Variants in FAM204A observed in about 807,000 individuals in gnomAD.
The protein encoded by FAM204A is protein FAM204A.
Under a neutral mutation model 35.4 loss-of-function variants are expected in FAM204A, and 16 were observed. That is an observed-to-expected ratio of 0.45 (90% CI 0.31 to 0.69). The LOEUF (loss-of-function observed/expected upper bound fraction) is 0.69, where lower values mean the gene tolerates loss of function less well. Ranked by LOEUF, FAM204A falls within the 30% of genes least tolerant of loss-of-function variation. FAM204A has a pLI of 0.07. For missense variants in FAM204A, 240 were observed against 265.7 expected (o/e 0.90, Z 0.67); for synonymous variants, 76 against 86.9 (o/e 0.88, Z 0.70).
Position 118,336,352 on chromosome 10 carries a change from C to T in FAM204A, c.64G>A (p.Glu22Lys), listed in dbSNP as rs1846386616. 1 of 1,613,958 alleles carries T rather than the reference C, an allele frequency of 6.2e-7. No homozygotes were observed. Among genetic ancestry groups the T allele is most frequent in the Non-Finnish European group, 8.5e-7 (1 of 1,179,862 alleles). The change falls in exon 3 of 9, where the codon GAA becomes AAA. Residue 22 changes from glutamate to lysine, a missense_variant. This residue lies in a region of FAM204A where 232 missense variants were observed against 242.8 expected (regional missense o/e 0.96). Coordinates refer to ENST00000369183, the MANE Select transcript of FAM204A (RefSeq NM_022063.3). ...AGTCCAGAGTTCTCCAACGTAGCTTCATCTTCCGAGTTTGACTCAGCGTCA... is the reference window on the plus strand; with the variant it reads ...AGTCCAGAGTTCTCCAACGTAGCTTTATCTTCCGAGTTTGACTCAGCGTCA... ...ESDAESNSED[E>K]ATLENSGLNL...
chr10:118,312,311 T>C (rs568868409), intron 7 of FAM204A, among the ~76,000 whole-genome samples: 1 of 152,258 alleles, frequency 6.6e-6, no homozygotes, highest in South Asian at 2.1e-4. Flanking sequence ...CAGGCAGACT[T>C]GTAAAAAAGA....
At chr10:118,314,628 A>G (rs1846002583) in intron 7 of FAM204A, among the ~76,000 whole-genome samples, 1 of 152,164 alleles carries the variant, frequency 6.6e-6, no homozygotes, top group Admixed American at 6.5e-5. Flanking sequence ...TAAAAAGAAA[A>G]ATGCATCTTC....
intron 2 of FAM204A, among the ~76,000 whole-genome samples, chr10:118,340,484 T>C (rs1211806540): frequency 3.9e-5 from 6 of 152,194 alleles, no homozygotes. Context: ...TTTGATATTA[T>C]AAGTGCCCTA....
At chr10:118,328,315 A>T (rs1846231324) in intron 6 of FAM204A, among the ~76,000 whole-genome samples, 1 of 151,920 alleles carries the variant, frequency 6.6e-6, no homozygotes, top group East Asian at 1.9e-4. Flanking sequence ...CTAACTTGCA[A>T]CCCACAATTA....
At chr10:118,313,132 AC>A in intron 7 of FAM204A, among the ~76,000 whole-genome samples, 1 of 152,244 alleles carries the variant, frequency 6.6e-6, no homozygotes, top group Middle Eastern at 3.4e-3. Context: ...CCACTGAAAA[AC>A]TATCCATTTG....
intron 2 of FAM204A, among the ~76,000 whole-genome samples, chr10:118,336,658 T>A (rs1212071178): frequency 3.3e-5 from 5 of 152,136 alleles, no homozygotes; most frequent in African/African-American, 1.2e-4. Context: ...TAAACAAGTT[T>A]GTTACAACAT....
In FAM204A at chr10:118,305,932, T is replaced by A. The variant is rs180686020; in HGVS notation, c.*4925A>T. On this transcript the variant is annotated 3_prime_UTR_variant, in exon 9 of 9. Transcript: ENST00000369183. ...TTTATTGTGGGCAGTCATAATTGTA[T>A]GCTATCCATCAAACAATAAAACCTT... 6 of 152,378 alleles carry A rather than the reference T, an allele frequency of 3.9e-5. No homozygotes were observed. Among genetic ancestry groups the A allele is most frequent in the African/African-American group, 9.6e-5 (4 of 41,592 alleles). The allele number at this position is 152,378 out of a possible 1,614,324, so 9.4% of individuals were successfully genotyped here. A position where few individuals can be genotyped will look rare whatever the true frequency, so the allele number is the denominator to read the frequency against.
At position 118,307,795 on chromosome 10, in the gene FAM204A, T is replaced by G. The variant is rs931417062; in HGVS notation, c.*3062A>C. 4 of 152,238 alleles carry G rather than the reference T, an allele frequency of 2.6e-5. No individual in the cohort carries two copies. Among genetic ancestry groups the G allele is most frequent in the African/African-American group, 9.6e-5 (4 of 41,474 alleles). The allele number at this position is 152,238 out of a possible 1,614,324, so 9.4% of individuals were successfully genotyped here. ...TAAAGAAAATCAGAAGATTTTAATG[T>G]GAGTTCTAAGTTGTGACTTAAAAGT... is the stretch of plus-strand genomic sequence containing the variant. On this transcript the variant is annotated 3_prime_UTR_variant, in exon 9 of 9. Transcript: ENST00000369183.
rs374492850 is a variant in FAM204A, at chr10:118,301,397, T to C, written c.*9460A>G. On this transcript the variant is annotated 3_prime_UTR_variant, in exon 9 of 9. Transcript: ENST00000369183. ...AGAAATAGCCATCAGCATTTTTGCATTGATTCCTACAGTATGACAGTTAAG... is the reference window on the plus strand; with the variant it reads ...AGAAATAGCCATCAGCATTTTTGCACTGATTCCTACAGTATGACAGTTAAG... The C allele has an allele frequency of 3.9e-5, 6 of 152,332 alleles. No homozygotes were observed. In the South Asian group the frequency reaches 1.0e-3, roughly 26 times the overall value. The allele number at this position is 152,332 out of a possible 1,614,324, so 9.4% of individuals were successfully genotyped here.
Position 118,301,900 on chromosome 10 carries a change from C to T in FAM204A, c.*8957G>A, listed in dbSNP as rs1046230923. The T allele has an allele frequency of 2.0e-5, 3 of 152,442 alleles. No homozygotes were observed. The highest frequency in any genetic ancestry group is 4.4e-5 in the Non-Finnish European group (3 of 68,046). The allele number at this position is 152,442 out of a possible 1,614,324, so 9.4% of individuals were successfully genotyped here. A position where few individuals can be genotyped will look rare whatever the true frequency, so the allele number is the denominator to read the frequency against. ...CATAGTCCAGGGTGTAGCAGTTTCA[C>T]TATTCTAACATTTGCTGGCATCAGC... On this transcript the variant is annotated 3_prime_UTR_variant, in exon 9 of 9. Transcript: ENST00000369183.
intron 2 of FAM204A, among the ~76,000 whole-genome samples, chr10:118,340,233 C>T (rs933530654): frequency 6.6e-6 from 1 of 152,084 alleles, no homozygotes; most frequent in Non-Finnish European, 1.5e-5. Context: ...GTTGAGTAGA[C>T]ACAATCTTTC....
chr10:118,329,875 C>G (rs1846263407), intron 6 of FAM204A, among the ~76,000 whole-genome samples: 2 of 152,232 alleles, frequency 1.3e-5, no homozygotes, highest in South Asian at 2.1e-4. Context: ...TATTACATAC[C>G]AACTACTCTG....
chr10:118,327,082 A>C (rs1390177508), intron 6 of FAM204A, among the ~76,000 whole-genome samples: 5 of 152,186 alleles, frequency 3.3e-5, no homozygotes, highest in African/African-American at 1.2e-4. Context: ...AATTTAAAAG[A>C]TGGTCTAATA....
chr10:118,316,480 AT>A (rs1846032554), intron 7 of FAM204A, among the ~76,000 whole-genome samples: 1 of 152,150 alleles, frequency 6.6e-6, no homozygotes, highest in Admixed American at 6.6e-5. Flanking sequence ...TTTAAATCAA[AT>A]CATTTTCTGT....
intron 6 of FAM204A, among the ~76,000 whole-genome samples, chr10:118,327,476 C>A (rs1272589603): frequency 6.6e-6 from 1 of 152,126 alleles, no homozygotes; most frequent in East Asian, 1.9e-4. Flanking sequence ...AGCTGGAGAC[C>A]ATTCAACAGC....
chr10:118,303,380 C>A lies in FAM204A; in HGVS notation c.*7477G>T, dbSNP rs148329352. ...TAACAGTACTTCTAAGGCTTATATT[C>A]TCAGTCATGATTATTTATTAAATAG... On this transcript the variant is annotated 3_prime_UTR_variant, in exon 9 of 9. Coordinates refer to ENST00000369183, the MANE Select transcript of FAM204A (RefSeq NM_022063.3). The A allele has an allele frequency of 6.6e-6, 1 of 152,268 alleles. No homozygotes were observed. The highest frequency in any genetic ancestry group is 2.4e-5 in the African/African-American group (1 of 41,558). The allele number at this position is 152,268 out of a possible 1,614,324, so 9.4% of individuals were successfully genotyped here.
intron 7 of FAM204A, among the ~76,000 whole-genome samples, chr10:118,313,296 A>C (rs1440062884): frequency 6.6e-6 from 1 of 152,124 alleles, no homozygotes; most frequent in Non-Finnish European, 1.5e-5. Flanking sequence ...ACTCTCCTCT[A>C]ACCTGTGATG....
At chr10:118,330,317 A>C (rs1408798280) in intron 6 of FAM204A, among the ~76,000 whole-genome samples, 1 of 152,184 alleles carries the variant, frequency 6.6e-6, no homozygotes, top group East Asian at 1.9e-4. Context: ...GGAAGCAATC[A>C]AACTAGACCT....
In FAM204A at chr10:118,299,057, G is replaced by T. The variant is rs1305141164; in HGVS notation, c.*11800C>A. Reference sequence around the variant, plus strand: ...CTGGCCCCCTGGACAGTGTACGTGTGAGTGACGGTTCCCTCTGGGCCCACA... The same window carrying T: ...CTGGCCCCCTGGACAGTGTACGTGTTAGTGACGGTTCCCTCTGGGCCCACA... On this transcript the variant is annotated 3_prime_UTR_variant, in exon 9 of 9. Transcript: ENST00000369183. 2 of 152,178 alleles carry T rather than the reference G, an allele frequency of 1.3e-5. No homozygotes were observed. The highest frequency in any genetic ancestry group is 3.9e-4 in the East Asian group (2 of 5,180). The allele number at this position is 152,178 out of a possible 1,614,324, so 9.4% of individuals were successfully genotyped here.
Sources: allele counts gnomAD v4.1 joint callset (sites outside exome capture counted in the v4.1 genomes callset), GRCh38; gene constraint gnomAD v4.1.1; regional missense constraint gnomAD v4.1.1; transcripts MANE v1.5; gene names NCBI Gene and HGNC (gene_info 2026-07-23, HGNC 2026-07-21).